SEMA4D: variants seen among roughly 807,000 people sequenced by gnomAD.
SEMA4D encodes semaphorin-4D.
Under a neutral mutation model 74.8 loss-of-function variants are expected in SEMA4D, and 22 were observed. The observed-to-expected ratio is 0.29, with a 90% CI of 0.21 to 0.42. SEMA4D has a LOEUF of 0.42. Ranked by LOEUF, SEMA4D falls within the 10% of genes least tolerant of loss-of-function variation. The pLI, the probability that SEMA4D is intolerant of heterozygous loss-of-function variation, is 1.00. For synonymous variants in SEMA4D, 445 were observed against 463.7 expected (o/e 0.96, Z 0.52); for missense variants, 937 against 1,118.4 (o/e 0.84, Z 2.31).
chr9:89,489,752 A>G (rs188395662), intron 1 of SEMA4D, among the ~76,000 whole-genome samples: 1 of 152,312 alleles, frequency 6.6e-6, no homozygotes, highest in Admixed American at 6.5e-5. Flanking sequence ...CCATTCATCC[A>G]CTGCTGGACA....
chr9:89,459,775 T>C, intron 1 of SEMA4D, among the ~76,000 whole-genome samples: 1 of 152,164 alleles, frequency 6.6e-6, no homozygotes, highest in East Asian at 1.9e-4. Context: ...GGTCCTCAGC[T>C]GGTCAGAAAG....
At position 89,379,367 on chromosome 9, in the gene SEMA4D, G is replaced by A. The variant is rs550581868; in HGVS notation, c.1926C>T (p.His642=). The A allele has an allele frequency of 2.5e-5, 41 of 1,614,188 alleles. 1 individual carries two copies. Among genetic ancestry groups the A allele is most frequent in the South Asian group, 2.5e-4 (23 of 91,074 alleles). Residue 642 remains histidine, a synonymous_variant, in exon 16 of 16, where the codon CAC becomes CAT. Transcript: ENST00000422704. Reference sequence around the variant, plus strand: ...TTGGAACCACCTTCACTTCCAGGACGTGCTTGGCGACCACTTGGAAGACCG... The same window carrying A: ...TTGGAACCACCTTCACTTCCAGGACATGCTTGGCGACCACTTGGAAGACCG... ...NKTVFQVVAK[H]VLEVKVVPKP... is the part of the protein sequence containing the mutation.
At chr9:89,389,438 C>T (rs937105865) in intron 9 of SEMA4D, among the ~76,000 whole-genome samples, 1 of 152,184 alleles carries the variant, frequency 6.6e-6, no homozygotes, top group South Asian at 2.1e-4. Flanking sequence ...CATCAATGAA[C>T]ATGCTCTGGG....
At chr9:89,409,242 G>A (rs866215369) in intron 2 of SEMA4D, among the ~76,000 whole-genome samples, 1 of 152,222 alleles carries the variant, frequency 6.6e-6, no homozygotes, top group African/African-American at 2.4e-5. Context: ...CATGAAGACA[G>A]TAAAAAGATC....
intron 2 of SEMA4D, among the ~76,000 whole-genome samples, chr9:89,434,812 A>G (rs567912456): frequency 3.3e-5 from 5 of 152,196 alleles, no homozygotes; most frequent in Non-Finnish European, 7.4e-5. Flanking sequence ...CTTTGAGTGA[A>G]GTCTCCAGGG....
At position 89,488,665 on chromosome 9, in the gene SEMA4D, G is replaced by A. The variant is rs1409669487; in HGVS notation, c.-310+9254C>T. ...TGGGATTACAGGCGTGAGCCACCAC[G>A]CCCAACCAAAATGGATCTCAGATCT... is the stretch of plus-strand genomic sequence containing the variant. On this transcript the variant is annotated intron_variant, in intron 1 of 15. Coordinates refer to ENST00000422704, the MANE Select transcript of SEMA4D (RefSeq NM_001371194.2). Among the ~76,000 whole-genome samples, 6 of 152,080 alleles carry A rather than the reference G, an allele frequency of 3.9e-5. No homozygotes were observed. In the South Asian group the frequency reaches 6.2e-4, roughly 16 times the overall value.
chr9:89,474,814 G>T (rs1257407203), intron 1 of SEMA4D, among the ~76,000 whole-genome samples: 1 of 152,226 alleles, frequency 6.6e-6, no homozygotes, highest in Non-Finnish European at 1.5e-5. Flanking sequence ...GTAGAGAAAG[G>T]CCAAGCTGGG....
At chr9:89,383,275 C>G (rs1447176162) in intron 13 of SEMA4D, among the ~76,000 whole-genome samples, 1 of 152,142 alleles carries the variant, frequency 6.6e-6, no homozygotes, top group South Asian at 2.1e-4. Flanking sequence ...CACTCTCCCC[C>G]ACCCCCAGTG....
chr9:89,420,472 C>T (rs183454034), intron 2 of SEMA4D, among the ~76,000 whole-genome samples: 13 of 152,392 alleles, frequency 8.5e-5, no homozygotes, highest in African/African-American at 3.1e-4. Context: ...GCATTTCCCT[C>T]TCATGGCCTT....
chr9:89,407,328 C>T (rs1199383120), intron 2 of SEMA4D, among the ~76,000 whole-genome samples: 1 of 152,168 alleles, frequency 6.6e-6, no homozygotes, highest in East Asian at 1.9e-4. Context: ...CTTCCTGCTG[C>T]TGCCTGGAAC....
intron 2 of SEMA4D, among the ~76,000 whole-genome samples, chr9:89,433,141 C>T (rs1289081940): frequency 6.6e-6 from 1 of 152,244 alleles, no homozygotes; most frequent in Non-Finnish European, 1.5e-5. Context: ...CAGCTCTTCA[C>T]AGGGACTTCT....
intron 4 of SEMA4D, 47 bp from the exon 5 acceptor site, chr9:89,399,385 C>A (rs1346355527): frequency 2.9e-6 from 4 of 1,394,532 alleles, no homozygotes; most frequent in Non-Finnish European, 4.1e-6. Flanking sequence ...TAAAGAGATA[C>A]TAGTATAAAA....
chr9:89,491,555 C>A (rs1158010231), intron 1 of SEMA4D, among the ~76,000 whole-genome samples: 3 of 151,112 alleles, frequency 2.0e-5, no homozygotes, highest in Non-Finnish European at 4.4e-5. Context: ...GGCGACAGAG[C>A]AAGACTCTGT....
chr9:89,398,521 C>G (rs1841494601), intron 5 of SEMA4D, among the ~76,000 whole-genome samples: 2 of 152,322 alleles, frequency 1.3e-5, no homozygotes, highest in South Asian at 4.1e-4. Context: ...AGCTCAGGAC[C>G]CTGAGTGTGT....
At chr9:89,496,011 G>C (rs761925858) in intron 1 of SEMA4D, among the ~76,000 whole-genome samples, 1 of 152,196 alleles carries the variant, frequency 6.6e-6, no homozygotes, top group Non-Finnish European at 1.5e-5. Flanking sequence ...ACACCCGCTT[G>C]GTGTGGGGAA....
At chr9:89,462,269 C>T (rs984939764) in intron 1 of SEMA4D, among the ~76,000 whole-genome samples, 1 of 152,216 alleles carries the variant, frequency 6.6e-6, no homozygotes, top group Non-Finnish European at 1.5e-5. Context: ...TATAGATCAT[C>T]TGGCTAACTC....
At chr9:89,375,886 CAG>C (rs1282884456), downstream of SEMA4D, among the ~76,000 whole-genome samples, 2 of 152,206 alleles carry the variant, frequency 1.3e-5, no homozygotes, top group African/African-American at 4.8e-5. Flanking sequence ...ATTTTTGAGA[CAG>C]GGTCTTGTTC....
intron 1 of SEMA4D, among the ~76,000 whole-genome samples, chr9:89,482,268 C>G (rs1465000911): frequency 6.6e-6 from 1 of 152,204 alleles, no homozygotes; most frequent in Non-Finnish European, 1.5e-5. Context: ...CAGGCCACAC[C>G]TGGATCACTC....
chr9:89,429,078 G>A (rs1457416763), intron 2 of SEMA4D, among the ~76,000 whole-genome samples: 1 of 152,174 alleles, frequency 6.6e-6, no homozygotes, highest in Non-Finnish European at 1.5e-5. Flanking sequence ...AGAGTGCGAA[G>A]AGTCAAGCAC....
Sources: gnomAD v4.1 joint callset for allele counts (sites outside exome capture counted in the v4.1 genomes callset) on GRCh38, gnomAD v4.1.1 for gene constraint, MANE v1.5 for transcripts, NCBI Gene and HGNC (gene_info 2026-07-23, HGNC 2026-07-21) for gene names.